RWDD4: variants seen among roughly 807,000 people sequenced by gnomAD.
RWDD4 encodes the protein RWD domain-containing protein 4.
RWDD4 carries 16 observed loss-of-function variants against 30.0 expected under a neutral mutation model. The observed-to-expected ratio is 0.53, with a 90% confidence interval of 0.36 to 0.81. RWDD4 has a LOEUF of 0.81. Ranked by LOEUF, RWDD4 falls within the 30% of genes least tolerant of loss-of-function variation. RWDD4 has a pLI of 0.00. For missense variants in RWDD4, 170 were observed against 223.9 expected, an observed-to-expected ratio of 0.76 and a Z score of 1.54; for synonymous variants, 45 against 72.1, an observed-to-expected ratio of 0.62 and a Z score of 1.90.
intron 7 of RWDD4, among the ~76,000 whole-genome samples, chr4:183,642,567 T>C (rs1479636806): frequency 2.0e-5 from 3 of 152,168 alleles, no homozygotes; most frequent in Non-Finnish European, 4.4e-5. Flanking sequence ...TCAGGTATAA[T>C]GGAAGACAGC....
intron 4 of RWDD4, among the ~76,000 whole-genome samples, chr4:183,650,097 T>C (rs184192584): frequency 7.9e-5 from 12 of 152,310 alleles, no homozygotes; most frequent in African/African-American, 2.9e-4. Flanking sequence ...TGGCTGCAAA[T>C]GTTTTCCATA....
At chr4:183,654,751 C>T (rs1734150441) in intron 2 of RWDD4, among the ~76,000 whole-genome samples, 3 of 152,142 alleles carry the variant, frequency 2.0e-5, no homozygotes, top group Non-Finnish European at 2.9e-5. Context: ...ATGGTTATTA[C>T]ATACTTGGAG....
At chr4:183,656,400 A>G (rs1377116548) in intron 1 of RWDD4, among the ~76,000 whole-genome samples, 1 of 152,236 alleles carries the variant, frequency 6.6e-6, no homozygotes, top group African/African-American at 2.4e-5. Context: ...TTTCTTTTAT[A>G]TGTAATCCTT....
intron 4 of RWDD4, 145 bp downstream of exon 4, chr4:183,650,839 C>A: frequency 4.5e-6 from 3 of 664,316 alleles, no homozygotes; most frequent in East Asian, 2.9e-5. Flanking sequence ...ATCTGAAATC[C>A]ATTGTTCTCA....
chr4:183,657,363 C>T (rs1734217705), intron 1 of RWDD4, among the ~76,000 whole-genome samples: 1 of 152,186 alleles, frequency 6.6e-6, no homozygotes, highest in Admixed American at 6.5e-5. Context: ...CTAATCCTTT[C>T]CCATATTTTA....
intron 4 of RWDD4, among the ~76,000 whole-genome samples, chr4:183,649,920 G>A (rs966767044): frequency 4.0e-5 from 6 of 151,882 alleles, no homozygotes; most frequent in Non-Finnish European, 7.4e-5. Flanking sequence ...TTTCTTTACA[G>A]AGCTTTTCTC....
rs139014563 is a variant in RWDD4 at position 183,651,388 on chromosome 4, A to G, written c.106-61T>C. Reference sequence around the variant, plus strand: ...TGATAAAAAGACAGAAAACTAAATTATAATCTTCAAAAGGGTGAATTCTTT... The same window carrying G: ...TGATAAAAAGACAGAAAACTAAATTGTAATCTTCAAAAGGGTGAATTCTTT... On this transcript the variant is annotated intron_variant, in intron 2 of 7. Coordinates refer to ENST00000326397, the MANE Select transcript of RWDD4 (RefSeq NM_152682.4). The G allele has an allele frequency of 1.3e-4, 160 of 1,204,192 alleles. 2 individuals are homozygous for G. The East Asian group carries it at 2.7e-3, about 20-fold the overall frequency. The allele number at this position is 1,204,192 out of a possible 1,614,324, so 74.6% of individuals were successfully genotyped here.
intron 2 of RWDD4, among the ~76,000 whole-genome samples, chr4:183,655,192 C>T (rs544814158): frequency 2.0e-5 from 3 of 152,162 alleles, no homozygotes; most frequent in African/African-American, 7.2e-5. Context: ...CCGCCTGCCT[C>T]GGCCTCTCAA....
intron 1 of RWDD4, among the ~76,000 whole-genome samples, chr4:183,658,211 T>C (rs1421983432): frequency 6.6e-6 from 1 of 152,176 alleles, no homozygotes; most frequent in African/African-American, 2.4e-5. Flanking sequence ...AGTGAACTTA[T>C]CTACCACCCA....
intron 1 of RWDD4, among the ~76,000 whole-genome samples, chr4:183,657,399 A>AT (rs1160224048): frequency 6.6e-6 from 1 of 152,222 alleles, no homozygotes; most frequent in Non-Finnish European, 1.5e-5. Flanking sequence ...AGGTACAAAA[A>AT]TAGGAGGCAA....
chr4:183,653,052 A>G (rs1228201423), intron 2 of RWDD4, among the ~76,000 whole-genome samples: 1 of 152,160 alleles, frequency 6.6e-6, no homozygotes, highest in African/African-American at 2.4e-5. Flanking sequence ...AGCCAAAAAG[A>G]ATACAGGCTA....
intron 5 of RWDD4, among the ~76,000 whole-genome samples, chr4:183,648,775 T>A (rs1272813610): frequency 6.6e-6 from 1 of 152,234 alleles, no homozygotes; most frequent in African/African-American, 2.4e-5. Flanking sequence ...CATTTATAGT[T>A]ACTTTGCCAC....
intron 5 of RWDD4, among the ~76,000 whole-genome samples, chr4:183,648,377 T>C (rs1270331228): frequency 1.3e-5 from 2 of 152,088 alleles, no homozygotes; most frequent in Non-Finnish European, 2.9e-5. Flanking sequence ...AGTACACAAA[T>C]GACGTCCTCA....
At position 183,642,426 on chromosome 4, in the gene RWDD4, T is replaced by C. The variant is rs566659514; in HGVS notation, c.535-958A>G. On this transcript the variant is annotated intron_variant, in intron 7 of 7. Coordinates refer to ENST00000326397, the MANE Select transcript of RWDD4 (RefSeq NM_152682.4). ...GGATGGTCTCGATCTCCTGACCTCG[T>C]GATCCGCCCGCCTCGGCCTCCCAAA... is the stretch of plus-strand genomic sequence containing the variant. Among the ~76,000 whole-genome samples the C allele has an allele frequency of 1.3e-4, 11 of 85,320 alleles. 5 individuals carry two copies. The highest frequency in any genetic ancestry group is 6.7e-4 in the South Asian group (2 of 2,970). The allele number at this position is 85,320 out of a possible 152,430, so 56.0% of individuals were successfully genotyped here.
intron 2 of RWDD4, among the ~76,000 whole-genome samples, chr4:183,654,911 C>A (rs568978370): frequency 2.0e-4 from 26 of 132,474 alleles, no homozygotes; most frequent in African/African-American, 1.0e-3. Flanking sequence ...ACAAAAAAAA[C>A]TTCCCCATTC....
chr4:183,659,026 G>A lies in RWDD4; in HGVS notation c.-74C>T, dbSNP rs1734302809. The A allele has an allele frequency of 3.5e-6, 4 of 1,140,968 alleles. No individual in the cohort carries two copies. Among genetic ancestry groups the A allele is most frequent in the Admixed American group, 4.1e-5 (1 of 24,510 alleles). The allele number at this position is 1,140,968 out of a possible 1,614,324, so 70.7% of individuals were successfully genotyped here. On this transcript the variant is annotated 5_prime_UTR_variant, in exon 1 of 8. Coordinates refer to ENST00000326397, the MANE Select transcript of RWDD4 (RefSeq NM_152682.4). ...AAGAGAAAGCGAAGGCAGCGGCCCA[G>A]AGGCCGGGCGTCCCCCTTTCGCGCC...
At position 183,649,563 on chromosome 4, in the gene RWDD4, C is replaced by T. The variant is rs749447267; in HGVS notation, c.369G>A (p.Ser123=). 4.3e-5 allele frequency: 64 copies of T among 1,495,776 alleles called. No homozygotes were observed. In the African/African-American group the frequency reaches 7.9e-4, roughly 18 times the overall value. The allele number at this position is 1,495,776 out of a possible 1,614,324, so 92.7% of individuals were successfully genotyped here. Reference sequence around the variant, plus strand: ...TTTCAATTGAGATGATATTGCTTATCGATGTCTAAAAAAAAAAAGAAATAA... The same window carrying T: ...TTTCAATTGAGATGATATTGCTTATTGATGTCTAAAAAAAAAAAGAAATAA... ...ENHNPINSAT[S]ISNIISIETP... The change falls in exon 5 of 8, where the codon TCG becomes TCA. Residue 123 remains serine, a synonymous_variant. Coordinates refer to ENST00000326397, the MANE Select transcript of RWDD4 (RefSeq NM_152682.4).
chr4:183,646,541 G>T lies in RWDD4; in HGVS notation c.482-4C>A. The T allele has an allele frequency of 6.2e-7, 1 of 1,608,158 alleles. No individual in the cohort carries two copies. Among genetic ancestry groups the T allele is most frequent in the Non-Finnish European group, 8.5e-7 (1 of 1,178,540 alleles). ...CGAGGAAGTTCTCCTTTGTGATCTA[G>T]AAGATAAAAAATAGTAACTTTATTT... On this transcript the variant is annotated splice_polypyrimidine_tract_variant and splice_region_variant and intron_variant, in intron 5 of 7. Coordinates refer to ENST00000326397, the MANE Select transcript of RWDD4 (RefSeq NM_152682.4).
intron 5 of RWDD4, among the ~76,000 whole-genome samples, chr4:183,648,124 G>A (rs1207193837): frequency 3.9e-5 from 6 of 152,010 alleles, no homozygotes; most frequent in Non-Finnish European, 2.9e-5. Context: ...TGCGCCAGTA[G>A]TCTCAGCTAC....
Sources: gnomAD v4.1 joint callset for allele counts (sites outside exome capture counted in the v4.1 genomes callset) on GRCh38, gnomAD v4.1.1 for gene constraint, MANE v1.5 for transcripts, NCBI Gene and HGNC (gene_info 2026-07-23, HGNC 2026-07-21) for gene names.